Variants in FYTTD1 observed in about 807,000 individuals in gnomAD.
FYTTD1 encodes forty-two-three domain containing 1, also known as UAP56-interacting factor.
FYTTD1 carries 22 observed loss-of-function variants against 40.9 expected under a neutral mutation model. The ratio of observed to expected loss-of-function variants is 0.54; its 90% CI spans 0.38 to 0.77. FYTTD1 has a LOEUF of 0.77. FYTTD1 is among the 30% of genes least tolerant of loss of function. FYTTD1 has a pLI of 0.00. For synonymous variants in FYTTD1, 140 were observed against 137.9 expected (o/e 1.01, Z -0.10); for missense variants, 351 against 392.2 (o/e 0.90, Z 0.89).
In FYTTD1 at chr3:197,781,328, A is replaced by T. The variant is rs868279120; in HGVS notation, c.859-483A>T. Among the ~76,000 whole-genome samples, 820 of 151,496 alleles carry T rather than the reference A, an allele frequency of 5.4e-3. 3 individuals are homozygous for T. Among genetic ancestry groups the T allele is most frequent in the African/African-American group, 8.2e-3 (338 of 41,292 alleles). On this transcript the variant is annotated intron_variant, in intron 8 of 8. Coordinates refer to ENST00000241502, the MANE Select transcript of FYTTD1 (RefSeq NM_032288.7). The stretch of plus-strand genomic sequence containing the variant: ...CTGTCTCAATAAAAAAAAAAAAAAA[A>T]TTTTGACCAAATTTGTTTTGCTTAT...
In FYTTD1 at chr3:197,787,584, G is replaced by C. The variant is rs575292035; in HGVS notation, c.*5675G>C. 1 of 152,178 alleles carries C rather than the reference G, an allele frequency of 6.6e-6. No homozygotes were observed. Among genetic ancestry groups the C allele is most frequent in the Admixed American group, 6.5e-5 (1 of 15,280 alleles). 9.4% of individuals were successfully genotyped at this position (152,178 alleles called of 1,614,324 possible). A position where few individuals can be genotyped will look rare whatever the true frequency, so the allele number is the denominator to read the frequency against. The stretch of plus-strand genomic sequence containing the variant: ...AACTTTCAGTCTGTAAAATAAACAG[G>C]AAGAACTGGGAAGTACACTGTATCA... On this transcript the variant is annotated 3_prime_UTR_variant, in exon 9 of 9. Transcript: ENST00000241502.
intron 2 of FYTTD1, among the ~76,000 whole-genome samples, chr3:197,758,399 G>A (rs559352034): frequency 3.8e-4 from 58 of 152,244 alleles, no homozygotes; most frequent in Admixed American, 2.7e-3. Context: ...TGGGTCCTAG[G>A]GGGTACATAA....
chr3:197,774,921 C>G (rs1266603132), intron 6 of FYTTD1, among the ~76,000 whole-genome samples: 1 of 152,236 alleles, frequency 6.6e-6, no homozygotes, highest in African/African-American at 2.4e-5. Context: ...AACATTGAGG[C>G]TAAAATAAAT....
At chr3:197,774,027 C>T in intron 5 of FYTTD1, 122 bp from the exon 6 acceptor site, 2 of 786,162 alleles carry the variant, frequency 2.5e-6, no homozygotes, top group East Asian at 5.0e-5. Flanking sequence ...TAGAATAGCG[C>T]AGGCACCTCC....
At chr3:197,750,545 G>A in intron 1 of FYTTD1, 1 of 985,270 alleles carries the variant, frequency 1.0e-6, no homozygotes, top group African/African-American at 1.7e-5. Flanking sequence ...GCTGCGGTCG[G>A]TTAAACCAGC....
intron 1 of FYTTD1, among the ~76,000 whole-genome samples, chr3:197,755,040 C>A (rs946432368): frequency 1.3e-5 from 2 of 152,106 alleles, no homozygotes; most frequent in Admixed American, 1.3e-4. Flanking sequence ...ATTTAGTTTT[C>A]TGGTCTTCAC....
intron 1 of FYTTD1, chr3:197,750,420 G>A: frequency 9.7e-7 from 1 of 1,036,016 alleles, no homozygotes; most frequent in Non-Finnish European, 1.2e-6. Context: ...TCTTTGTGAG[G>A]AAAGATCTGC....
intron 2 of FYTTD1, among the ~76,000 whole-genome samples, chr3:197,761,327 A>G (rs1729381448): frequency 6.6e-6 from 1 of 150,784 alleles, no homozygotes; most frequent in Non-Finnish European, 1.5e-5. Context: ...CCTCAGTGAT[A>G]GAGTGTATAG....
Position 197,749,954 on chromosome 3 carries a change from G to T in FYTTD1, c.-18G>T. On this transcript the variant is annotated 5_prime_UTR_variant, in exon 1 of 9. Transcript: ENST00000241502. ...TCCGGCCTTGTCCGCGCCCGCTCTC[G>T]GCGCGACGTCTCCAGCCATGAACCG... 1.9e-6 allele frequency: 3 copies of T among 1,544,666 alleles called. No homozygotes were observed. The highest frequency in any genetic ancestry group is 2.3e-5 in the South Asian group (2 of 85,480).
intron 2 of FYTTD1, among the ~76,000 whole-genome samples, chr3:197,760,218 C>T (rs761920181): frequency 2.1e-4 from 32 of 150,518 alleles, no homozygotes; most frequent in Non-Finnish European, 1.3e-4. Context: ...AGTGGTAGAA[C>T]GTATAGAATT....
chr3:197,768,231 GTTAT>G (rs1198343734), intron 2 of FYTTD1, among the ~76,000 whole-genome samples: 1 of 152,176 alleles, frequency 6.6e-6, no homozygotes, highest in Non-Finnish European at 1.5e-5. Context: ...GAATCCTCTA[GTTAT>G]TTAGAGTCCA....
At chr3:197,750,774 C>T (rs956784979) in intron 1 of FYTTD1, 123 of 985,400 alleles carry the variant, frequency 1.2e-4, no homozygotes, top group Non-Finnish European at 1.4e-4. Context: ...GGGGAGAAAG[C>T]AAACATCTTT....
rs1039980808 is a variant in FYTTD1 at position 197,786,962 on chromosome 3, C to T, written c.*5053C>T. On this transcript the variant is annotated 3_prime_UTR_variant, in exon 9 of 9. Transcript: ENST00000241502. ...TACAAGCTTGAGCCACCACAGCCAACTAATTTTTGTGTTTTTAGTAGAAAT... is the reference window on the plus strand; with the variant it reads ...TACAAGCTTGAGCCACCACAGCCAATTAATTTTTGTGTTTTTAGTAGAAAT... The T allele has an allele frequency of 6.6e-6, 1 of 151,972 alleles. No homozygotes were observed. Among genetic ancestry groups the T allele is most frequent in the African/African-American group, 2.4e-5 (1 of 41,346 alleles). 9.4% of individuals were successfully genotyped at this position (151,972 alleles called of 1,614,324 possible).
At chr3:197,761,256 T>C (rs1200373522) in intron 2 of FYTTD1, among the ~76,000 whole-genome samples, 2 of 151,936 alleles carry the variant, frequency 1.3e-5, no homozygotes, top group Non-Finnish European at 2.9e-5. Flanking sequence ...ATGTATAGAG[T>C]TGTTCTTCAA....
chr3:197,765,529 G>A (rs148329067), intron 2 of FYTTD1, among the ~76,000 whole-genome samples: 564 of 152,052 alleles, frequency 3.7e-3, no homozygotes, highest in African/African-American at 0.013. Flanking sequence ...AATTTTAGAA[G>A]GAAACCACAC....
rs143607200 is a variant in FYTTD1 at position 197,753,476 on chromosome 3, T to C, written c.104-2950T>C. Among the ~76,000 whole-genome samples, 1,347 of 152,230 alleles carry C rather than the reference T, an allele frequency of 8.8e-3. 26 individuals carry two copies. The highest frequency in any genetic ancestry group is 0.031 in the African/African-American group (1,270 of 41,522). ...GCTACTGCTGCTATTACTATTACCA[T>C]GTATATTCCTCTAGTGCTATGGAAG... On this transcript the variant is annotated intron_variant, in intron 1 of 8. Transcript: ENST00000241502.
chr3:197,774,701 C>T (rs925901871), intron 6 of FYTTD1, among the ~76,000 whole-genome samples: 2 of 136,152 alleles, frequency 1.5e-5, no homozygotes, highest in African/African-American at 2.9e-5. Context: ...ATAGCTCGAT[C>T]GCCAGTGCAC....
chr3:197,750,663 A>G (rs913149630), intron 1 of FYTTD1: 9 of 985,396 alleles, frequency 9.1e-6, no homozygotes, highest in African/African-American at 1.7e-5. Flanking sequence ...AGCGTCTGTC[A>G]GAAAGGAAGC....
chr3:197,761,051 A>G (rs185626616), intron 2 of FYTTD1, among the ~76,000 whole-genome samples: 3 of 148,166 alleles, frequency 2.0e-5, no homozygotes, highest in Admixed American at 1.3e-4. Flanking sequence ...TCAGTGGTAG[A>G]ATGTATAGAG....
Sources: gnomAD v4.1 joint callset for allele counts (sites outside exome capture counted in the v4.1 genomes callset) on GRCh38, gnomAD v4.1.1 for gene constraint, MANE v1.5 for transcripts, NCBI Gene and HGNC (gene_info 2026-07-23, HGNC 2026-07-21) for gene names.